Variants in INPP4B observed in about 807,000 individuals in gnomAD.
INPP4B encodes inositol polyphosphate-4-phosphatase type II B.
In INPP4B, 55 loss-of-function variants were observed where a neutral mutation model predicts 122.5. The ratio of observed to expected loss-of-function variants is 0.45; its 90% CI spans 0.36 to 0.56. The LOEUF (loss-of-function observed/expected upper bound fraction) is 0.56, where lower values mean the gene tolerates loss of function less well. Ranked by LOEUF, INPP4B falls within the 20% of genes least tolerant of loss-of-function variation. INPP4B has a pLI of 0.00. For missense variants in INPP4B, 1,000 were observed against 1,097.7 expected, an observed-to-expected ratio of 0.91 and a Z score of 1.26; for synonymous variants, 403 against 388.7, an observed-to-expected ratio of 1.04 and a Z score of -0.43.
intron 2 of INPP4B, among the ~76,000 whole-genome samples, chr4:142,615,926 C>T (rs1305458985): frequency 6.6e-6 from 1 of 152,006 alleles, no homozygotes; most frequent in Admixed American, 6.6e-5. Flanking sequence ...AAAAGGCATA[C>T]AAATTCATAA....
At chr4:142,828,512 A>T (rs186419266) in intron 1 of INPP4B, among the ~76,000 whole-genome samples, 10 of 152,292 alleles carry the variant, frequency 6.6e-5, no homozygotes, top group African/African-American at 2.4e-4. Flanking sequence ...CTCTACTTAG[A>T]CAGAGAAGGC....
Position 142,248,013 on chromosome 4 carries a change from GA to G in INPP4B, c.689-10003del, listed in dbSNP as rs948951712. The stretch of plus-strand genomic sequence containing the variant: ...AGCCTCTGTGTGCTCAGGAGGGAAA[GA>G]AGGCATCACCCCTCCTGCCCCTGCC... On this transcript the variant is annotated intron_variant, in intron 11 of 25. Coordinates refer to ENST00000262992, the MANE Select transcript of INPP4B (RefSeq NM_001101669.3). 7.9e-5 allele frequency among the ~76,000 whole-genome samples: 12 copies of G among 152,142 alleles called. No homozygotes were observed. In the South Asian group the frequency reaches 1.9e-3, roughly 24 times the overall value.
chr4:142,080,485 T>C (rs1460393424), intron 25 of INPP4B, among the ~76,000 whole-genome samples: 4 of 152,128 alleles, frequency 2.6e-5, no homozygotes, highest in Admixed American at 6.6e-5. Context: ...CCTTTAGTGT[T>C]TTAGATTAAA....
chr4:142,151,714 G>T (rs766087049), intron 17 of INPP4B, among the ~76,000 whole-genome samples: 21 of 152,060 alleles, frequency 1.4e-4, no homozygotes, highest in Admixed American at 2.6e-4. Flanking sequence ...TCTTCTCTCA[G>T]CCTGGAGGCA....
chr4:142,780,803 A>G (rs1774691501), intron 1 of INPP4B, among the ~76,000 whole-genome samples: 1 of 152,100 alleles, frequency 6.6e-6, no homozygotes, highest in Admixed American at 6.6e-5. Flanking sequence ...GTCTCGAAAC[A>G]GAAAAAAAAG....
intron 17 of INPP4B, 60 bp from the exon 18 acceptor site, chr4:142,146,056 C>T (rs1041397899): frequency 2.6e-5 from 40 of 1,550,764 alleles, no homozygotes; most frequent in Admixed American, 7.2e-5. Flanking sequence ...AAGGCAAAGT[C>T]GGATAAATCT....
At chr4:142,586,849 G>C (rs965015304) in intron 2 of INPP4B, among the ~76,000 whole-genome samples, 1 of 152,120 alleles carries the variant, frequency 6.6e-6, no homozygotes, top group Non-Finnish European at 1.5e-5. Flanking sequence ...AACTAGCCAG[G>C]AAAGAGGCAA....
chr4:142,130,868 C>A (rs1318677512), intron 18 of INPP4B, among the ~76,000 whole-genome samples: 1 of 152,156 alleles, frequency 6.6e-6, no homozygotes, highest in Non-Finnish European at 1.5e-5. Context: ...TTAAACCCTG[C>A]CAGCCTGAGA....
chr4:142,543,816 T>G (rs1413569970), intron 2 of INPP4B, among the ~76,000 whole-genome samples: 1 of 152,140 alleles, frequency 6.6e-6, no homozygotes, highest in Non-Finnish European at 1.5e-5. Flanking sequence ...TCCTAGCTGT[T>G]CCTTATAAAT....
At chr4:142,813,565 A>G (rs1355330804) in intron 1 of INPP4B, among the ~76,000 whole-genome samples, 1 of 152,208 alleles carries the variant, frequency 6.6e-6, no homozygotes, top group East Asian at 1.9e-4. Flanking sequence ...GCTTTGCTCT[A>G]TACTTTGTCA....
At chr4:142,834,873 TG>T (rs1420033545) in intron 1 of INPP4B, among the ~76,000 whole-genome samples, 1 of 152,202 alleles carries the variant, frequency 6.6e-6, no homozygotes, top group Non-Finnish European at 1.5e-5. Flanking sequence ...GCATTGTTCT[TG>T]TTGCTTCAAA....
At chr4:142,647,261 G>C (rs888323588) in intron 2 of INPP4B, among the ~76,000 whole-genome samples, 1 of 152,066 alleles carries the variant, frequency 6.6e-6, no homozygotes, top group Admixed American at 6.6e-5. Context: ...GGGCCTACTG[G>C]TTTTTTATCA....
In INPP4B at chr4:142,234,141, C is replaced by T. The variant is rs147883253; in HGVS notation, c.836+3723G>A. On this transcript the variant is annotated intron_variant, in intron 12 of 25. Transcript: ENST00000262992. ...TTTAATGCTTTTTATCAAGTTTTTG[C>T]ACTAACTGTTCTTCCCCTAAGAACA... Among the ~76,000 whole-genome samples, 16 of 152,228 alleles carry T rather than the reference C, an allele frequency of 1.1e-4. No homozygotes were observed. In the East Asian group the frequency reaches 2.3e-3, roughly 22 times the overall value.
At chr4:142,194,382 G>T (rs1837297039) in intron 14 of INPP4B, among the ~76,000 whole-genome samples, 1 of 152,046 alleles carries the variant, frequency 6.6e-6, no homozygotes, top group East Asian at 1.9e-4. Context: ...CTAGTCCAGG[G>T]GATTTTAACC....
At chr4:142,446,982 A>G (rs956228760) in intron 3 of INPP4B, among the ~76,000 whole-genome samples, 1 of 152,236 alleles carries the variant, frequency 6.6e-6, no homozygotes, top group Admixed American at 6.5e-5. Context: ...CTCTATCAGG[A>G]AAGTTTTATT....
At chr4:142,194,775 T>G (rs1837458514) in intron 14 of INPP4B, among the ~76,000 whole-genome samples, 1 of 152,220 alleles carries the variant, frequency 6.6e-6, no homozygotes, top group Non-Finnish European at 1.5e-5. Context: ...GCCACTTATT[T>G]AACTTCTCTA....
chr4:142,495,411 T>C (rs973140404), intron 2 of INPP4B, among the ~76,000 whole-genome samples: 5 of 152,036 alleles, frequency 3.3e-5, no homozygotes, highest in African/African-American at 1.2e-4. Flanking sequence ...TAGATAAATA[T>C]ATATCCAAAC....
In INPP4B at chr4:142,027,182, C is replaced by T. The variant is rs1737263752; in HGVS notation, c.*1600G>A. ...TTGGTACCTGCCTCAAGTATAATGC[C>T]CACAGGTAATTAGCTAAAATAAAAA... On this transcript the variant is annotated 3_prime_UTR_variant, in exon 26 of 26. Coordinates refer to ENST00000262992, the MANE Select transcript of INPP4B (RefSeq NM_001101669.3). The T allele has an allele frequency of 6.6e-6, 1 of 151,978 alleles. No homozygotes were observed. Among genetic ancestry groups the T allele is most frequent in the Non-Finnish European group, 1.5e-5 (1 of 68,020 alleles). 9.4% of individuals were successfully genotyped at this position (151,978 alleles called of 1,614,324 possible). A position where few individuals can be genotyped will look rare whatever the true frequency, so the allele number is the denominator to read the frequency against.
intron 7 of INPP4B, among the ~76,000 whole-genome samples, chr4:142,342,044 T>C (rs533098134): frequency 3.0e-4 from 46 of 152,288 alleles, no homozygotes; most frequent in Non-Finnish European, 6.0e-4. Flanking sequence ...GTAATACATA[T>C]ATGTTGTGTT....
Sources: gnomAD v4.1 joint callset for allele counts (sites outside exome capture counted in the v4.1 genomes callset) on GRCh38, gnomAD v4.1.1 for gene constraint, MANE v1.5 for transcripts, NCBI Gene and HGNC (gene_info 2026-07-23, HGNC 2026-07-21) for gene names.